Variants in ADGRL2 observed in about 807,000 individuals in gnomAD.
The protein encoded by ADGRL2 is calcium-independent alpha-latrotoxin receptor 2.
Under a neutral mutation model 157.4 loss-of-function variants are expected in ADGRL2, and 44 were observed. The observed-to-expected ratio is 0.28, with a 90% confidence interval of 0.22 to 0.36. ADGRL2 has a LOEUF of 0.36. Among genes scored for constraint, ADGRL2 ranks in the 10% least tolerant of loss-of-function variants. ADGRL2 has a pLI of 1.00. For synonymous variants in ADGRL2, 585 were observed against 624.7 expected, an observed-to-expected ratio of 0.94 and a Z score of 0.95; for missense variants, 1,510 against 1,768.9, an observed-to-expected ratio of 0.85 and a Z score of 2.63.
At chr1:81,465,714 G>A (rs1030891050) in intron 2 of ADGRL2, among the ~76,000 whole-genome samples, 4 of 152,056 alleles carry the variant, frequency 2.6e-5, no homozygotes, top group Admixed American at 2.6e-4. Flanking sequence ...TCTCACTGTT[G>A]AGCTCTGCTA....
chr1:81,316,565 CAG>C (rs993425236), intron 1 of ADGRL2, among the ~76,000 whole-genome samples: 1 of 152,142 alleles, frequency 6.6e-6, no homozygotes, highest in Non-Finnish European at 1.5e-5. Context: ...CTTCACTAAA[CAG>C]ATGTTCCCCC....
chr1:81,610,668 C>A (rs1039623068), intron 3 of ADGRL2, among the ~76,000 whole-genome samples: 2 of 152,034 alleles, frequency 1.3e-5, no homozygotes, highest in Non-Finnish European at 2.9e-5. Context: ...ATCTGTGAGA[C>A]CACTTAGGAA....
intron 2 of ADGRL2, among the ~76,000 whole-genome samples, chr1:81,875,874 A>G (rs988641487): frequency 6.6e-6 from 1 of 152,188 alleles, no homozygotes; most frequent in Non-Finnish European, 1.5e-5. Flanking sequence ...TCTAATGCAC[A>G]GTTAACAGTA....
intron 1 of ADGRL2, among the ~76,000 whole-genome samples, chr1:81,416,641 T>G (rs1454211797): frequency 6.6e-6 from 1 of 152,232 alleles, no homozygotes. Flanking sequence ...CATTTATTCA[T>G]TCATCTAACA....
intron 2 of ADGRL2, among the ~76,000 whole-genome samples, chr1:81,520,351 A>G (rs1199760535): frequency 6.6e-6 from 1 of 152,090 alleles, no homozygotes; most frequent in Non-Finnish European, 1.5e-5. Flanking sequence ...GAGTGACATA[A>G]AAACACCATC....
At chr1:81,468,109 A>G (rs772016472) in intron 2 of ADGRL2, among the ~76,000 whole-genome samples, 5 of 152,188 alleles carry the variant, frequency 3.3e-5, no homozygotes, top group Non-Finnish European at 5.9e-5. Context: ...ATAGAAACAA[A>G]TAAGTATTGT....
At chr1:81,687,552 T>A (rs2083254129) in intron 3 of ADGRL2, among the ~76,000 whole-genome samples, 1 of 152,188 alleles carries the variant, frequency 6.6e-6, no homozygotes, top group Admixed American at 6.5e-5. Context: ...TAGGTGAGTC[T>A]CCTGAAGGCA....
At chr1:81,974,128 C>T (rs1659531802) in intron 17 of ADGRL2, among the ~76,000 whole-genome samples, 1 of 152,108 alleles carries the variant, frequency 6.6e-6, no homozygotes, top group Non-Finnish European at 1.5e-5. Flanking sequence ...GAAACTGTTT[C>T]ACTTAGTTGT....
chr1:81,724,927 C>T (rs1302229618), intron 1 of ADGRL2, among the ~76,000 whole-genome samples: 4 of 152,188 alleles, frequency 2.6e-5, no homozygotes, highest in East Asian at 1.9e-4. Flanking sequence ...ACACCACAGC[C>T]GGGCACGGTG....
intron 13 of ADGRL2, among the ~76,000 whole-genome samples, chr1:81,967,275 T>C (rs2149289957): frequency 6.6e-6 from 1 of 152,060 alleles, no homozygotes; most frequent in African/African-American, 2.4e-5. Context: ...TTTTTTTTTT[T>C]TTTTGAGACA....
At chr1:81,851,109 G>T (rs2092990470) in intron 2 of ADGRL2, among the ~76,000 whole-genome samples, 1 of 151,854 alleles carries the variant, frequency 6.6e-6, no homozygotes, top group Non-Finnish European at 1.5e-5. Flanking sequence ...TGTATATCTT[G>T]CAGGAATTCA....
At chr1:81,381,442 G>T (rs535782996) in intron 1 of ADGRL2, among the ~76,000 whole-genome samples, 2 of 152,166 alleles carry the variant, frequency 1.3e-5, no homozygotes, top group South Asian at 4.1e-4. Context: ...GCTAGGCATG[G>T]TGGCACACCT....
At chr1:81,339,915 C>T (rs908595640) in intron 1 of ADGRL2, among the ~76,000 whole-genome samples, 2 of 152,152 alleles carry the variant, frequency 1.3e-5, no homozygotes, top group South Asian at 2.1e-4. Flanking sequence ...TTCTTACCTA[C>T]GTTTCTTTGG....
chr1:81,529,036 GTGAAAAAAGAT>G (rs529053714), intron 2 of ADGRL2, among the ~76,000 whole-genome samples: 46 of 152,224 alleles, frequency 3.0e-4, no homozygotes, highest in Non-Finnish European at 5.9e-4. Context: ...GCTAGAAAAG[GTGAAAAAAGAT>G]TTACGAAGAG....
chr1:81,620,860 G>T (rs1194843893), intron 3 of ADGRL2, among the ~76,000 whole-genome samples: 1 of 152,180 alleles, frequency 6.6e-6, no homozygotes, highest in African/African-American at 2.4e-5. Context: ...GTCAGACAAG[G>T]CCTCCGATGA....
chr1:81,598,393 G>A (rs1324372), intron 3 of ADGRL2, among the ~76,000 whole-genome samples: 29,107 of 151,948 alleles, frequency 0.19, 3,016 homozygotes, highest in East Asian at 0.34. Flanking sequence ...TATATTAAGC[G>A]TGAAAAAAAT....
intron 1 of ADGRL2, among the ~76,000 whole-genome samples, chr1:81,750,144 G>A (rs2085441888): frequency 6.6e-6 from 1 of 152,142 alleles, no homozygotes. Flanking sequence ...ATCTCAATTT[G>A]TTCTCATGCT....
intron 2 of ADGRL2, among the ~76,000 whole-genome samples, chr1:81,564,862 C>G (rs1205574606): frequency 1.3e-5 from 2 of 152,074 alleles, no homozygotes; most frequent in Non-Finnish European, 2.9e-5. Flanking sequence ...CAGAAAATTT[C>G]CTGAATGAAT....
chr1:81,611,040 T>A (rs559246524), intron 3 of ADGRL2, among the ~76,000 whole-genome samples: 55 of 152,314 alleles, frequency 3.6e-4, no homozygotes, highest in African/African-American at 1.3e-3. Flanking sequence ...GGCTAATAAA[T>A]TTTTTCAGAG....
Sources: allele counts gnomAD v4.1 joint callset (sites outside exome capture counted in the v4.1 genomes callset), GRCh38; gene constraint gnomAD v4.1.1; transcripts MANE v1.5; gene names NCBI Gene and HGNC (gene_info 2026-07-23, HGNC 2026-07-21).